Variants in RMDN1 observed in about 807,000 individuals in gnomAD.
RMDN1 encodes regulator of microtubule dynamics protein 1.
Under a neutral mutation model 48.9 loss-of-function variants are expected in RMDN1, and 48 were observed. That is an observed-to-expected ratio of 0.98 (90% confidence interval 0.78 to 1.25). The LOEUF is 1.25. Among genes scored for constraint, RMDN1 ranks in the 50% most tolerant of loss-of-function variants. RMDN1 has a pLI of 0.00. For synonymous variants in RMDN1, 148 were observed against 132.6 expected, an observed-to-expected ratio of 1.12 and a Z score of -0.80; for missense variants, 418 against 373.4, an observed-to-expected ratio of 1.12 and a Z score of -0.98.
At chr8:86,512,593 C>T (rs553529484), upstream of RMDN1, among the ~76,000 whole-genome samples, 330 of 152,336 alleles carry the variant, frequency 2.2e-3, 5 homozygotes, top group South Asian at 0.044. Context: ...CATCACCCTG[C>T]CTTAACTTTT....
At chr8:86,497,556 C>T (rs1161017608) in intron 2 of RMDN1, among the ~76,000 whole-genome samples, 4 of 151,680 alleles carry the variant, frequency 2.6e-5, no homozygotes, top group Non-Finnish European at 4.4e-5. Flanking sequence ...CAAAAATTAG[C>T]CAGGCATGGT....
upstream of RMDN1, among the ~76,000 whole-genome samples, chr8:86,510,446 T>C (rs1023511538): frequency 3.3e-5 from 5 of 152,218 alleles, no homozygotes; most frequent in African/African-American, 1.2e-4. Context: ...AATCTTTAAA[T>C]CGTCAGCCTT....
At position 86,507,093 on chromosome 8, in the gene RMDN1, G is replaced by C. The variant is rs1364731853; in HGVS notation, c.149C>G (p.Thr50Ser). ...TGAGAGTAAAAGGCCTCTTTTGAAA[G>C]TTCCTGGGTTTCCCATTACCTATGG... ...RGFEVMGNPG[T>S]FKRGLLLSAL... Residue 50 changes from threonine to serine, a missense_variant, in exon 2 of 10, where the codon ACT (threonine) becomes AGT (serine). Thr to Ser is a moderately conservative substitution (Grantham distance 58). Coordinates refer to ENST00000406452, the MANE Select transcript of RMDN1 (RefSeq NM_016033.3). The C allele has an allele frequency of 6.2e-7, 1 of 1,607,612 alleles. No homozygotes were observed. Among genetic ancestry groups the C allele is most frequent in the African/African-American group, 1.3e-5 (1 of 74,748 alleles).
intron 5 of RMDN1, chr8:86,482,637 T>G: frequency 2.6e-6 from 2 of 780,648 alleles, no homozygotes; most frequent in Admixed American, 3.4e-5. Flanking sequence ...CGAGGTATAC[T>G]TCCAGGCTTC....
In RMDN1 at chr8:86,473,956, C is replaced by T. The variant is rs1443134955; in HGVS notation, c.*352G>A. On this transcript the variant is annotated 3_prime_UTR_variant, in exon 10 of 10. Coordinates refer to ENST00000406452, the MANE Select transcript of RMDN1 (RefSeq NM_016033.3). ...CAATCCAATTTGAAAATCCATCCCCCTGTATATCCCCTATAGATCCATTTC... is the reference window on the plus strand; with the variant it reads ...CAATCCAATTTGAAAATCCATCCCCTTGTATATCCCCTATAGATCCATTTC... The T allele has an allele frequency of 3.1e-5, 32 of 1,021,738 alleles. No homozygotes were observed. Among genetic ancestry groups the T allele is most frequent in the Non-Finnish European group, 3.4e-5 (29 of 853,364 alleles). The allele number at this position is 1,021,738 out of a possible 1,614,324, so 63.3% of individuals were successfully genotyped here.
Position 86,473,666 on chromosome 8 carries a change from T to A in RMDN1, c.*642A>T. 1.3e-5 allele frequency: 5 copies of A among 376,876 alleles called. No individual in the cohort carries two copies. Among genetic ancestry groups the A allele is most frequent in the Non-Finnish European group, 1.5e-5 (4 of 273,840 alleles). 23.3% of individuals were successfully genotyped at this position (376,876 alleles called of 1,614,324 possible). Reference sequence around the variant, plus strand: ...CTGTAATCCCAGCCACTCAGGAGGCTAAGGCAGGAGAATCACTTGAACCCG... The same window carrying A: ...CTGTAATCCCAGCCACTCAGGAGGCAAAGGCAGGAGAATCACTTGAACCCG... On this transcript the variant is annotated 3_prime_UTR_variant, in exon 10 of 10. Transcript: ENST00000406452.
chr8:86,506,582 T>C (rs1819405045), intron 2 of RMDN1, among the ~76,000 whole-genome samples: 1 of 152,244 alleles, frequency 6.6e-6, no homozygotes, highest in Admixed American at 6.5e-5. Context: ...ATTTTTTCTG[T>C]GTTCCTACAG....
Position 86,472,617 on chromosome 8 carries a change from C to A in RMDN1, c.*1691G>T. On this transcript the variant is annotated 3_prime_UTR_variant, in exon 10 of 10. Coordinates refer to ENST00000406452, the MANE Select transcript of RMDN1 (RefSeq NM_016033.3). ...GTGATGCTACTGTTGCCTAGCTACC[C>A]TGACCACATTATTTTTTCACTGTAT... The A allele has an allele frequency of 1.6e-6, 1 of 608,674 alleles. No homozygotes were observed. Among genetic ancestry groups the A allele is most frequent in the Non-Finnish European group, 2.9e-6 (1 of 344,464 alleles). 37.7% of individuals were successfully genotyped at this position (608,674 alleles called of 1,614,324 possible).
rs781028658 is a variant in RMDN1, at chr8:86,508,538, G to T, written c.83C>A (p.Ser28Ter). The T allele has an allele frequency of 3.8e-6, 6 of 1,582,106 alleles. No individual in the cohort carries two copies. The highest frequency in any genetic ancestry group is 1.8e-5 in the Admixed American group (1 of 55,426). ...GGGGCCGCAATGCCCGCGGCTGCCC[G>T]AAGTCCCCGCAGGGAGACGAGACCC... The part of the protein sequence containing the change: ...APGSRLPAGT[S>*]GSRGHCGPCR... Residue 28 changes from serine (S) to a stop codon, truncating the protein, a stop_gained, in exon 1 of 10, where the codon TCG becomes TAG. Transcript: ENST00000406452. LOFTEE classifies it high-confidence loss of function.
intron 2 of RMDN1, among the ~76,000 whole-genome samples, chr8:86,501,178 C>G (rs995026947): frequency 1.3e-5 from 2 of 151,936 alleles, no homozygotes; most frequent in African/African-American, 2.4e-5. Context: ...CAAACCTGCA[C>G]GTGTACCCTC....
rs932482698 is a variant in RMDN1 at position 86,504,480 on chromosome 8, A to G, written c.247+2515T>C. 1.4e-5 allele frequency: 22 copies of G among 1,548,082 alleles called. No individual in the cohort carries two copies. In the African/African-American group the frequency reaches 2.4e-4, roughly 17 times the overall value. On this transcript the variant is annotated intron_variant, in intron 2 of 9. Coordinates refer to ENST00000406452, the MANE Select transcript of RMDN1 (RefSeq NM_016033.3). Reference sequence around the variant, plus strand: ...ACTCAACAGGAATCTTCAAGGATGCAGGTGTTCAAGAGCCCATCTATGCCA... The same window carrying G: ...ACTCAACAGGAATCTTCAAGGATGCGGGTGTTCAAGAGCCCATCTATGCCA...
chr8:86,488,566 G>A lies in RMDN1; in HGVS notation c.321C>T (p.Thr107=), dbSNP rs752205957. 5 of 1,607,612 alleles carry A rather than the reference G, an allele frequency of 3.1e-6. No individual in the cohort carries two copies. The highest frequency in any genetic ancestry group is 2.7e-5 in the African/African-American group (2 of 74,578). The change falls in exon 3 of 10, where the codon ACC becomes ACT. Residue 107 remains threonine, a synonymous_variant. Coordinates refer to ENST00000406452, the MANE Select transcript of RMDN1 (RefSeq NM_016033.3). ...GETEKLYQLL[T]QYKESEDAEL... Reference sequence around the variant, plus strand: ...ACATTGCTTACCTTTCCTTGTATTGGGTTAGCAACTGATAAAGTTTTTCTG... The same window carrying A: ...ACATTGCTTACCTTTCCTTGTATTGAGTTAGCAACTGATAAAGTTTTTCTG...
chr8:86,472,216 G>T, downstream of RMDN1: 1 of 589,148 alleles, frequency 1.7e-6, no homozygotes, highest in Non-Finnish European at 3.0e-6. Context: ...ATAAATACAG[G>T]TTGAACATCC....
At chr8:86,482,069 C>T in intron 5 of RMDN1, 5 of 637,602 alleles carry the variant, frequency 7.8e-6, no homozygotes, top group South Asian at 1.9e-5. Context: ...CTAAAGCTCA[C>T]GCGGCACGCA....
chr8:86,493,312 C>T (rs1816810969), intron 2 of RMDN1, among the ~76,000 whole-genome samples: 1 of 152,140 alleles, frequency 6.6e-6, no homozygotes, highest in Non-Finnish European at 1.5e-5. Flanking sequence ...CCAGCAATCC[C>T]ACTTTTGGAT....
At chr8:86,506,962 T>C (rs1819470910) in intron 2 of RMDN1, 33 bp downstream of exon 2, 1 of 1,169,184 alleles carries the variant, frequency 8.6e-7, no homozygotes, top group Admixed American at 1.9e-5. Flanking sequence ...ACAAAAAAAC[T>C]CTAAATGTTC....
chr8:86,497,914 G>A (rs186398831), intron 2 of RMDN1, among the ~76,000 whole-genome samples: 1 of 151,982 alleles, frequency 6.6e-6, no homozygotes, highest in Non-Finnish European at 1.5e-5. Flanking sequence ...GACCAACATG[G>A]AGAAATCCCG....
At chr8:86,470,133 A>G (rs1458568505), downstream of RMDN1, 2 of 1,273,388 alleles carry the variant, frequency 1.6e-6, no homozygotes, top group Admixed American at 2.4e-5. Flanking sequence ...TCATATCCTC[A>G]AAAGGAAGGA....
intron 7 of RMDN1, 101 bp from the exon 8 acceptor site, chr8:86,477,425 T>C: frequency 1.3e-5 from 12 of 925,584 alleles, no homozygotes; most frequent in Non-Finnish European, 1.9e-5. Flanking sequence ...TATATTTAAG[T>C]CAGGAAGTAA....
Sources: allele counts gnomAD v4.1 joint callset (sites outside exome capture counted in the v4.1 genomes callset), GRCh38; gene constraint gnomAD v4.1.1; transcripts MANE v1.5; gene names NCBI Gene and HGNC (gene_info 2026-07-23, HGNC 2026-07-21).